KCNQ1: variants seen among roughly 807,000 people sequenced by gnomAD.
KCNQ1 encodes the protein potassium voltage-gated channel subfamily KQT member 1.
KCNQ1 carries 49 observed loss-of-function variants against 72.4 expected under a neutral mutation model. The observed-to-expected ratio is 0.68, with a 90% CI of 0.54 to 0.86. The LOEUF is 0.86. Ranked by LOEUF, KCNQ1 falls within the 40% of genes least tolerant of loss-of-function variation. The pLI is 0.00. For missense variants in KCNQ1, 790 were observed against 945.1 expected, an observed-to-expected ratio of 0.84 and a Z score of 2.15; for synonymous variants, 450 against 412.6, an observed-to-expected ratio of 1.09 and a Z score of -1.10.
intron 11 of KCNQ1, among the ~76,000 whole-genome samples, chr11:2,756,752 G>A (rs9645650): frequency 0.31 from 47,526 of 151,656 alleles, 7,717 homozygotes; most frequent in African/African-American, 0.38. Flanking sequence ...ACACCTGGCC[G>A]TCTAGCGTTT....
intron 2 of KCNQ1, among the ~76,000 whole-genome samples, chr11:2,556,768 G>T (rs999262501): frequency 3.9e-5 from 6 of 152,180 alleles, no homozygotes; most frequent in African/African-American, 1.4e-4. Context: ...CCACTACAGT[G>T]GACACTGTCT....
chr11:2,465,091 C>T (rs930400585), intron 1 of KCNQ1, among the ~76,000 whole-genome samples: 2 of 152,234 alleles, frequency 1.3e-5, no homozygotes, highest in Non-Finnish European at 1.5e-5. Flanking sequence ...TAGACCGCAC[C>T]GAGAAAATGC....
rs1850265905 is a variant in KCNQ1 at position 2,674,908 on chromosome 11, G to GA, written c.1514+12827_1514+12828insA. ...AGGGTCTGAAAAGTCCTTTGTGTTA[G>GA]CTCCAGCTGCAGAGTTTTTCCAGGC... On this transcript the variant is annotated intron_variant, in intron 11 of 15. Coordinates refer to ENST00000155840, the MANE Select transcript of KCNQ1 (RefSeq NM_000218.3). The surrounding 1 kb of genome is among the most constrained non-coding windows in gnomAD (Gnocchi z 5.9). The GA allele has an allele frequency of 2.5e-6, 1 of 395,194 alleles. No individual in the cohort carries two copies. Among genetic ancestry groups the GA allele is most frequent in the African/African-American group, 2.1e-5 (1 of 47,494 alleles). 24.5% of individuals were successfully genotyped at this position (395,194 alleles called of 1,614,324 possible).
intron 1 of KCNQ1, among the ~76,000 whole-genome samples, chr11:2,501,659 C>G (rs1847011159): frequency 7.0e-6 from 1 of 143,036 alleles, no homozygotes; most frequent in South Asian, 2.2e-4. Context: ...GAGGGAATAC[C>G]TCCAAACTCA....
chr11:2,529,496 T>C (rs1847574134), intron 2 of KCNQ1, among the ~76,000 whole-genome samples: 1 of 151,894 alleles, frequency 6.6e-6, no homozygotes, highest in South Asian at 2.1e-4. Context: ...CATTTTATGG[T>C]TTCATTATGT....
chr11:2,672,873 CCTGA>C (rs1287769866), intron 11 of KCNQ1: 1 of 398,748 alleles, frequency 2.5e-6, no homozygotes, highest in Non-Finnish European at 4.4e-6. Flanking sequence ...ACCCTAGCCA[CCTGA>C]CTGTCAGGGG....
intron 10 of KCNQ1, chr11:2,610,355 A>T (rs1247207066): frequency 2.5e-6 from 1 of 398,120 alleles, no homozygotes; most frequent in Non-Finnish European, 4.4e-6. Flanking sequence ...TGATCATACT[A>T]TATAATGATA....
rs1846613631 is a variant in KCNQ1, at chr11:2,478,951, A to G, written c.386+33467A>G. Among the ~76,000 whole-genome samples the G allele has an allele frequency of 2.0e-5, 3 of 152,234 alleles. No homozygotes were observed. The highest frequency in any genetic ancestry group is 2.4e-5 in the African/African-American group (1 of 41,460). On this transcript the variant is annotated intron_variant, in intron 1 of 15. Transcript: ENST00000155840. This position sits in a 1 kb window ranked among gnomAD's most constrained non-coding sequence, Gnocchi z 4.0. ...CATTTGAAATGGGAGTAATTGGCCA[A>G]AACGAAGGGGCTAAAGGCCCCATGC...
In KCNQ1 at chr11:2,653,228, C is replaced by T. The variant is rs1448360426; in HGVS notation, c.1394-8733C>T. On this transcript the variant is annotated intron_variant, in intron 10 of 15. Transcript: ENST00000155840. The surrounding 1 kb of genome is among the most constrained non-coding windows in gnomAD (Gnocchi z 5.3). ...CTAGGGCCAGGGCCTTGGCCTCAGG[C>T]CAGCTTCTTTCCCACAAGCCTTCTC... The T allele has an allele frequency of 2.5e-6, 1 of 398,656 alleles. No individual in the cohort carries two copies. Among genetic ancestry groups the T allele is most frequent in the African/African-American group, 2.1e-5 (1 of 48,656 alleles). The allele number at this position is 398,656 out of a possible 1,614,324, so 24.7% of individuals were successfully genotyped here. A position where few individuals can be genotyped will look rare whatever the true frequency, so the allele number is the denominator to read the frequency against.
chr11:2,464,571 T>C lies in KCNQ1; in HGVS notation c.386+19087T>C, dbSNP rs1846325230. ...CTGGCCCCTGGCTGCTGCCCCCACA[T>C]TGGGCCCTGCACCAGGCATGAGTCC... is the stretch of plus-strand genomic sequence containing the variant. On this transcript the variant is annotated intron_variant, in intron 1 of 15. Coordinates refer to ENST00000155840, the MANE Select transcript of KCNQ1 (RefSeq NM_000218.3). The surrounding 1 kb of genome is among the most constrained non-coding windows in gnomAD (Gnocchi z 5.0). Among the ~76,000 whole-genome samples the C allele has an allele frequency of 6.6e-6, 1 of 152,046 alleles. No homozygotes were observed. The highest frequency in any genetic ancestry group is 6.5e-5 in the Admixed American group (1 of 15,288).
Position 2,537,623 on chromosome 11 carries a change from G to T in KCNQ1, c.477+9605G>T, listed in dbSNP as rs868058684. 2.0e-5 allele frequency among the ~76,000 whole-genome samples: 3 copies of T among 152,058 alleles called. No homozygotes were observed. The highest frequency in any genetic ancestry group is 7.3e-5 in the African/African-American group (3 of 41,294). On this transcript the variant is annotated intron_variant, in intron 2 of 15. Coordinates refer to ENST00000155840, the MANE Select transcript of KCNQ1 (RefSeq NM_000218.3). The surrounding 1 kb of genome is among the most constrained non-coding windows in gnomAD (Gnocchi z 5.2). ...CTCCCAGGCACCCTCTGCCAGGTCA[G>T]CAGTGGCTTTCATCTTCTGCCATTT... is the stretch of plus-strand genomic sequence containing the variant.
rs1293704225 is a variant in KCNQ1 at position 2,735,919 on chromosome 11, C to T, written c.1515-32925C>T. ...TCTTATAAGACCCCATCTCCAGACA[C>T]ACAGTCACAGTCAGAGGCAGGAGGA... On this transcript the variant is annotated intron_variant, in intron 11 of 15. Coordinates refer to ENST00000155840, the MANE Select transcript of KCNQ1 (RefSeq NM_000218.3). The surrounding 1 kb of genome is among the most constrained non-coding windows in gnomAD (Gnocchi z 7.7). Among the ~76,000 whole-genome samples the T allele has an allele frequency of 6.6e-6, 1 of 151,812 alleles. No individual in the cohort carries two copies. The highest frequency in any genetic ancestry group is 1.5e-5 in the Non-Finnish European group (1 of 68,042).
rs1169801480 is a variant in KCNQ1 at position 2,783,623 on chromosome 11, A to T, written c.1794+5586A>T. Among the ~76,000 whole-genome samples the T allele has an allele frequency of 6.6e-6, 1 of 152,120 alleles. No homozygotes were observed. The highest frequency in any genetic ancestry group is 1.5e-5 in the Non-Finnish European group (1 of 67,946). ...ATTTATACCATTTTGCTTTCTCACC[A>T]GTAAAGTATAAAGGTTCCACTTTCT... On this transcript the variant is annotated intron_variant, in intron 15 of 15. Coordinates refer to ENST00000155840, the MANE Select transcript of KCNQ1 (RefSeq NM_000218.3). This position sits in a 1 kb window ranked among gnomAD's most constrained non-coding sequence, Gnocchi z 5.2.
chr11:2,658,892 G>A lies in KCNQ1; in HGVS notation c.1394-3069G>A. 1 of 398,098 alleles carries A rather than the reference G, an allele frequency of 2.5e-6. No individual in the cohort carries two copies. Among genetic ancestry groups the A allele is most frequent in the East Asian group, 3.6e-5 (1 of 28,068 alleles). 24.7% of individuals were successfully genotyped at this position (398,098 alleles called of 1,614,324 possible). On this transcript the variant is annotated intron_variant, in intron 10 of 15. Coordinates refer to ENST00000155840, the MANE Select transcript of KCNQ1 (RefSeq NM_000218.3). This position sits in a 1 kb window ranked among gnomAD's most constrained non-coding sequence, Gnocchi z 4.9. ...ATTTACTTATTTGTGTAACCCTATT[G>A]TACACGTAGTACCCTATGTGAAGCA...
chr11:2,490,766 G>A (rs778842978), intron 1 of KCNQ1, among the ~76,000 whole-genome samples: 40 of 152,098 alleles, frequency 2.6e-4, no homozygotes, highest in East Asian at 3.8e-4. Flanking sequence ...TCAGCTCACC[G>A]CAACCTCTGT....
chr11:2,814,794 T>G (rs772964034), intron 15 of KCNQ1, among the ~76,000 whole-genome samples: 3 of 152,174 alleles, frequency 2.0e-5, no homozygotes, highest in Non-Finnish European at 2.9e-5. Context: ...CTGCTCCATC[T>G]GCCTCTGCCT....
At chr11:2,655,506 C>T (rs1475275787) in intron 10 of KCNQ1, 2 of 398,522 alleles carry the variant, frequency 5.0e-6, no homozygotes, top group African/African-American at 2.1e-5. Context: ...GATGAACTGC[C>T]CTTTCAAGTA....
At chr11:2,685,903 C>T (rs555916184) in intron 11 of KCNQ1, 10 of 398,766 alleles carry the variant, frequency 2.5e-5, no homozygotes, top group Admixed American at 8.8e-5. Flanking sequence ...TTGTTCTCCA[C>T]GGATGAGCCT....
At position 2,781,079 on chromosome 11, in the gene KCNQ1, C is replaced by G. The variant is rs1038244066; in HGVS notation, c.1794+3042C>G. 6.6e-6 allele frequency among the ~76,000 whole-genome samples: 1 copy of G among 152,128 alleles called. No homozygotes were observed. The highest frequency in any genetic ancestry group is 2.1e-4 in the South Asian group (1 of 4,822). ...AGTCTACTTCCTGCGGGCCTCCCTCCCCTGTCAAATGAGAGGGTTTGACTC... is the reference window on the plus strand; with the variant it reads ...AGTCTACTTCCTGCGGGCCTCCCTCGCCTGTCAAATGAGAGGGTTTGACTC... On this transcript the variant is annotated intron_variant, in intron 15 of 15. Coordinates refer to ENST00000155840, the MANE Select transcript of KCNQ1 (RefSeq NM_000218.3). The surrounding 1 kb of genome is among the most constrained non-coding windows in gnomAD (Gnocchi z 6.6).
Sources: allele counts gnomAD v4.1 joint callset (sites outside exome capture counted in the v4.1 genomes callset), GRCh38; gene constraint gnomAD v4.1.1; non-coding constraint Gnocchi (gnomAD v3.1); transcripts MANE v1.5; gene names NCBI Gene and HGNC (gene_info 2026-07-23, HGNC 2026-07-21).